DLG5: variants seen among roughly 807,000 people sequenced by gnomAD.
The protein encoded by DLG5 is disks large homolog 5.
A neutral mutation model predicts 189.8 loss-of-function variants in DLG5; 48 were observed. The ratio of observed to expected loss-of-function variants is 0.25; its 90% CI spans 0.20 to 0.32. The LOEUF (loss-of-function observed/expected upper bound fraction) is 0.32. DLG5 is among the 10% of genes least tolerant of loss of function. The probability of loss-of-function intolerance (pLI) is 1.00; values close to 1 mark genes in which losing one functional copy is unlikely to be tolerated. For missense variants in DLG5, 2,160 were observed against 2,544.7 expected (o/e 0.85, Z 3.25); for synonymous variants, 1,016 against 1,054.1 (o/e 0.96, Z 0.70).
chr10:77,821,018 C>A (rs912371604), intron 15 of DLG5, 64 bp downstream of exon 15: 363 of 1,532,714 alleles, frequency 2.4e-4, no homozygotes, highest in Middle Eastern at 4.7e-4. Flanking sequence ...CACTTAGCAG[C>A]CCTCCTTCGG....
chr10:77,873,323 C>A (rs971274393), intron 1 of DLG5, among the ~76,000 whole-genome samples: 7 of 152,140 alleles, frequency 4.6e-5, no homozygotes, highest in Non-Finnish European at 8.8e-5. Flanking sequence ...ACATGCTCTA[C>A]ACACTGGCCC....
At chr10:77,916,330 G>A (rs1846355957) in intron 1 of DLG5, among the ~76,000 whole-genome samples, 2 of 151,628 alleles carry the variant, frequency 1.3e-5, no homozygotes, top group African/African-American at 4.9e-5. Flanking sequence ...CGCTCTTGTT[G>A]CCCAGGCTGG....
intron 1 of DLG5, among the ~76,000 whole-genome samples, chr10:77,925,289 C>T (rs1414311200): frequency 6.6e-6 from 1 of 152,134 alleles, no homozygotes; most frequent in East Asian, 1.9e-4. Flanking sequence ...TAAAGCAGAG[C>T]GCCTGCCACA....
At chr10:77,910,085 T>C (rs995624207) in intron 1 of DLG5, among the ~76,000 whole-genome samples, 5 of 152,128 alleles carry the variant, frequency 3.3e-5, no homozygotes, top group African/African-American at 9.7e-5. Flanking sequence ...AATTTAGATA[T>C]CACGTCCTAC....
chr10:77,885,995 T>C (rs933826091), intron 1 of DLG5, among the ~76,000 whole-genome samples: 1 of 152,140 alleles, frequency 6.6e-6, no homozygotes, highest in Admixed American at 6.5e-5. Flanking sequence ...GATAAGCACC[T>C]GGACACCCTG....
In DLG5 at chr10:77,794,930, G is replaced by T; in HGVS notation, c.5465C>A (p.Pro1822Gln). The change falls in exon 30 of 32, where the codon CCG (proline) becomes CAG (glutamine). Residue 1822 changes from proline (P) to glutamine (Q), a missense_variant. Physicochemically the swap from Pro to Gln is moderately conservative, Grantham distance 76. This residue lies in a region of DLG5 where 574 missense variants were observed against 644.2 expected (regional missense o/e 0.89). Transcript: ENST00000372391. ...KNRHCLLDIAPHAIERLHHMH... is the reference protein window; with the variant it reads ...KNRHCLLDIAQHAIERLHHMH... ...GTGGTGGAGCCGCTCAATAGCGTGC[G>T]GAGCAATGTCCAGGAGGCAGTGTCG... 1 of 1,614,000 alleles carries T rather than the reference G, an allele frequency of 6.2e-7. No homozygotes were observed. Among genetic ancestry groups the T allele is most frequent in the Non-Finnish European group, 8.5e-7 (1 of 1,180,016 alleles).
Position 77,806,842 on chromosome 10 carries a change from T to C in DLG5, c.4883A>G (p.Gln1628Arg), listed in dbSNP as rs781415157. 1 of 1,614,010 alleles carries C rather than the reference T, an allele frequency of 6.2e-7. No homozygotes were observed. The highest frequency in any genetic ancestry group is 1.1e-5 in the South Asian group (1 of 91,080). ...AGCCATCCAGGACCCGAACGTGCCC[T>C]GGGGTAAGGTGTCATCCACGTAGAG... is the stretch of plus-strand genomic sequence containing the variant. ...DILYVDDTLP[Q>R]GTFGSWMAWQ... Residue 1628 changes from glutamine to arginine, a missense_variant, in exon 26 of 32, where the codon CAG becomes CGG. Transcript: ENST00000372391.
At chr10:77,801,151 G>GA (rs1337180771) in intron 27 of DLG5, among the ~76,000 whole-genome samples, 1 of 152,186 alleles carries the variant, frequency 6.6e-6, no homozygotes, top group African/African-American at 2.4e-5. Flanking sequence ...CACAGAAAGA[G>GA]ACTCAGGGAT....
At chr10:77,793,190 T>C (rs1322512153) in intron 31 of DLG5, 1 of 152,526 alleles carries the variant, frequency 6.6e-6, no homozygotes, top group African/African-American at 2.4e-5. Flanking sequence ...GAGTTTTAAA[T>C]TTTCATCTCT....
the DLG5 span, among the ~76,000 whole-genome samples, chr10:77,936,446 CAAAAAA>C: frequency 3.8e-5 from 2 of 52,130 alleles, no homozygotes; most frequent in African/African-American, 1.9e-4. Context: ...CAAAACAAAA[CAAAAAA>C]AAAAAAAAAA....
In DLG5 at chr10:77,926,493, C is replaced by T. The variant is rs752734079; in HGVS notation, c.28G>A (p.Ala10Thr). The T allele has an allele frequency of 1.5e-4, 216 of 1,411,208 alleles. No individual in the cohort carries two copies. Among genetic ancestry groups the T allele is most frequent in the Non-Finnish European group, 2.0e-4 (212 of 1,076,226 alleles). 87.4% of individuals were successfully genotyped at this position (1,411,208 alleles called of 1,614,324 possible). MEPQRRELL[A>T]QCQQSLAQAM... ...TGGGCCAGGCTCTGCTGACACTGGGCGAGCAGCTCCCGGCGCTGGGGCTCC... is the reference window on the plus strand; with the variant it reads ...TGGGCCAGGCTCTGCTGACACTGGGTGAGCAGCTCCCGGCGCTGGGGCTCC... Residue 10 changes from alanine (A) to threonine (T), a missense_variant, in exon 1 of 32, where the codon GCC (alanine) becomes ACC (threonine). Around this residue, in one of 5 missense-constraint regions of DLG5, gnomAD observed 664 missense variants for 838.5 expected, o/e 0.79. Coordinates refer to ENST00000372391, the MANE Select transcript of DLG5 (RefSeq NM_004747.4). The surrounding 1 kb of genome is among the most constrained non-coding windows in gnomAD (Gnocchi z 5.2).
Position 77,805,832 on chromosome 10 carries a change from C to A in DLG5, c.4997G>T (p.Ser1666Ile). 1 of 1,613,880 alleles carries A rather than the reference C, an allele frequency of 6.2e-7. No homozygotes were observed. The highest frequency in any genetic ancestry group is 8.5e-7 in the Non-Finnish European group (1 of 1,179,796). The stretch of plus-strand genomic sequence containing the variant: ...ATTGTCATCTTTGACTTCAGACATG[C>A]TGAGCCTCCTGGAGAATTCTTGGTC... Reference protein sequence around the residue: ...VMDQEFSRRLSMSEVKDDNSA... With the variant: ...VMDQEFSRRLIMSEVKDDNSA... The change falls in exon 27 of 32, where the codon AGC (serine) becomes ATC (isoleucine). Residue 1666 changes from serine (S) to isoleucine (I), a missense_variant. Around this residue, in one of 5 missense-constraint regions of DLG5, gnomAD observed 574 missense variants for 644.2 expected, o/e 0.89. Coordinates refer to ENST00000372391, the MANE Select transcript of DLG5 (RefSeq NM_004747.4).
intron 7 of DLG5, 144 bp from the exon 8 acceptor site, chr10:77,836,066 C>T (rs1370273848): frequency 1.0e-5 from 8 of 778,964 alleles, no homozygotes; most frequent in African/African-American, 3.5e-5. Flanking sequence ...ACACCCCATA[C>T]CCCCAGTGAC....
In DLG5 at chr10:77,842,299, G is replaced by A. The variant is rs1240676001; in HGVS notation, c.1125-106C>T. The A allele has an allele frequency of 4.2e-5, 58 of 1,374,872 alleles. No homozygotes were observed. The East Asian group carries it at 9.7e-4, about 23-fold the overall frequency. 85.2% of individuals were successfully genotyped at this position (1,374,872 alleles called of 1,614,324 possible). A position where few individuals can be genotyped will look rare whatever the true frequency, so the allele number is the denominator to read the frequency against. ...GCTCTACTGTGCTGGACAGTCAAGC[G>A]TGAAGTTTCAAGTGAAGTCACTCTC... is the stretch of plus-strand genomic sequence containing the variant. On this transcript the variant is annotated intron_variant, in intron 6 of 31. Transcript: ENST00000372391.
chr10:77,888,352 C>T (rs1051148693), intron 1 of DLG5, among the ~76,000 whole-genome samples: 6 of 152,156 alleles, frequency 3.9e-5, no homozygotes, highest in Non-Finnish European at 4.4e-5. Flanking sequence ...GCAGCCCCTG[C>T]GTGGACAGCC....
intron 1 of DLG5, among the ~76,000 whole-genome samples, chr10:77,921,233 C>T (rs1248897): frequency 0.48 from 73,651 of 151,904 alleles, 18,623 homozygotes; most frequent in Admixed American, 0.59. Context: ...AAAGAAAAAC[C>T]ACAACAGCTG....
At position 77,843,573 on chromosome 10, in the gene DLG5, G is replaced by A; in HGVS notation, c.998C>T (p.Ala333Val). The change falls in exon 6 of 32, where the codon GCA becomes GTA. Residue 333 changes from alanine (A) to valine (V), a missense_variant. This residue lies in a region of DLG5 where 664 missense variants were observed against 838.5 expected (regional missense o/e 0.79). Coordinates refer to ENST00000372391, the MANE Select transcript of DLG5 (RefSeq NM_004747.4). ...RYSEKVAIHN[A>V]DLSRLEQLGE... is the part of the protein sequence containing the mutation. ...CAGCTGCTCCAGGCGGCTCAGGTCTGCATTGTGGATGGCGACTTTCTCACT... is the reference window on the plus strand; with the variant it reads ...CAGCTGCTCCAGGCGGCTCAGGTCTACATTGTGGATGGCGACTTTCTCACT... 6.2e-7 allele frequency: 1 copy of A among 1,614,156 alleles called. No homozygotes were observed.
chr10:77,888,633 T>C (rs1158104837), intron 1 of DLG5, among the ~76,000 whole-genome samples: 1 of 152,106 alleles, frequency 6.6e-6, no homozygotes, highest in Non-Finnish European at 1.5e-5. Flanking sequence ...CTTAAGATAG[T>C]CTCAAAAGAC....
At chr10:77,810,287 G>T (rs1220354963) in intron 23 of DLG5, among the ~76,000 whole-genome samples, 1 of 152,230 alleles carries the variant, frequency 6.6e-6, no homozygotes, top group Non-Finnish European at 1.5e-5. Context: ...AGATACAGGG[G>T]GCTTCAGGGG....
Sources: gnomAD v4.1 joint callset for allele counts (sites outside exome capture counted in the v4.1 genomes callset) on GRCh38, gnomAD v4.1.1 for gene constraint, gnomAD v4.1.1 regional missense constraint, Gnocchi (gnomAD v3.1) non-coding constraint, MANE v1.5 for transcripts, NCBI Gene and HGNC (gene_info 2026-07-23, HGNC 2026-07-21) for gene names.